Variants in SNTG1 observed in about 807,000 individuals in gnomAD.
SNTG1 encodes the protein syntrophin gamma 1.
Under a neutral mutation model 74.7 loss-of-function variants are expected in SNTG1, and 39 were observed. The ratio of observed to expected loss-of-function variants is 0.52; its 90% CI spans 0.40 to 0.68. SNTG1 has a LOEUF of 0.68. SNTG1 is among the 30% of genes least tolerant of loss of function. The pLI is 0.00. For synonymous variants in SNTG1, 254 were observed against 217.1 expected (o/e 1.17, Z -1.49); for missense variants, 685 against 609.5 (o/e 1.12, Z -1.30).
intron 2 of SNTG1, among the ~76,000 whole-genome samples, chr8:50,364,077 A>G (rs1313924259): frequency 6.6e-6 from 1 of 152,132 alleles, no homozygotes; most frequent in Admixed American, 6.5e-5. Flanking sequence ...AGGGATTTTT[A>G]GGGAAGTTCC....
At position 50,399,649 on chromosome 8, in the gene SNTG1, C is replaced by A. The variant is rs117781631; in HGVS notation, c.28-2561C>A. 9.2e-3 allele frequency among the ~76,000 whole-genome samples: 1,394 copies of A among 152,106 alleles called. 15 individuals are homozygous for A. Among genetic ancestry groups the A allele is most frequent in the Non-Finnish European group, 0.015 (1,021 of 68,002 alleles). ...CAGGAAATGTGCTCATTTATGATCA[C>A]TTGGCTTTGATGTATCATTTCATAT... On this transcript the variant is annotated intron_variant, in intron 3 of 18. Transcript: ENST00000642720.
intron 13 of SNTG1, among the ~76,000 whole-genome samples, chr8:50,651,764 T>TTTATTTATTTTCATTAAA (rs2095148240): frequency 6.6e-6 from 1 of 150,406 alleles, no homozygotes; most frequent in Admixed American, 6.6e-5. Flanking sequence ...GGCTTATTTA[T>TTTATTTATTTTCATTAAA]TTATTTATTT....
At chr8:49,965,626 G>T (rs1811068660) in intron 1 of SNTG1, among the ~76,000 whole-genome samples, 1 of 152,176 alleles carries the variant, frequency 6.6e-6, no homozygotes, top group East Asian at 1.9e-4. Context: ...TAATGTGGTT[G>T]TTGTCATGCG....
intron 1 of SNTG1, among the ~76,000 whole-genome samples, chr8:49,951,764 A>T (rs992777758): frequency 3.8e-4 from 58 of 151,770 alleles, no homozygotes; most frequent in African/African-American, 1.3e-3. Context: ...ATAATAATAA[A>T]AAAAAAGCTT....
At chr8:50,536,977 G>A (rs2094312883) in intron 11 of SNTG1, among the ~76,000 whole-genome samples, 169 bp downstream of exon 11, 1 of 152,202 alleles carries the variant, frequency 6.6e-6, no homozygotes, top group Non-Finnish European at 1.5e-5. Flanking sequence ...TTATTCTGAT[G>A]ACAAAACCAC....
chr8:50,728,884 T>C (rs909543354), intron 17 of SNTG1, among the ~76,000 whole-genome samples: 1 of 152,318 alleles, frequency 6.6e-6, no homozygotes, highest in East Asian at 1.9e-4. Flanking sequence ...TCATTCCACT[T>C]GTATTTGCAG....
chr8:49,979,246 G>A (rs1233986127), intron 1 of SNTG1, among the ~76,000 whole-genome samples: 2 of 152,166 alleles, frequency 1.3e-5, no homozygotes, highest in African/African-American at 2.4e-5. Flanking sequence ...GTGCGCCTGG[G>A]ACTGAGTGTC....
chr8:50,006,676 A>G (rs1815270777), intron 1 of SNTG1, among the ~76,000 whole-genome samples: 1 of 152,086 alleles, frequency 6.6e-6, no homozygotes, highest in African/African-American at 2.4e-5. Context: ...TGAATGGTTT[A>G]TCTTGTGCCA....
At chr8:50,505,008 C>A (rs2093994671) in intron 9 of SNTG1, among the ~76,000 whole-genome samples, 1 of 152,102 alleles carries the variant, frequency 6.6e-6, no homozygotes, top group Admixed American at 6.6e-5. Context: ...CCCAGACCCA[C>A]CCACTGGCAA....
chr8:50,403,046 G>C (rs1280662253), intron 4 of SNTG1, among the ~76,000 whole-genome samples: 2 of 152,148 alleles, frequency 1.3e-5, no homozygotes, highest in Admixed American at 1.3e-4. Flanking sequence ...ATCATAAGAC[G>C]AGTTCTGGAG....
At chr8:50,625,197 G>A (rs371485803) in intron 13 of SNTG1, among the ~76,000 whole-genome samples, 33 of 152,178 alleles carry the variant, frequency 2.2e-4, no homozygotes, top group African/African-American at 7.7e-4. Context: ...GCACATGAAG[G>A]TGAAGAAACT....
chr8:49,945,197 G>C (rs906976013), intron 1 of SNTG1, among the ~76,000 whole-genome samples: 4 of 152,002 alleles, frequency 2.6e-5, no homozygotes, highest in African/African-American at 9.7e-5. Context: ...TTAGTCTTTG[G>C]ATTTACATTG....
intron 1 of SNTG1, among the ~76,000 whole-genome samples, chr8:50,148,486 C>T (rs528403640): frequency 6.6e-6 from 1 of 152,112 alleles, no homozygotes; most frequent in South Asian, 2.1e-4. Flanking sequence ...TATACATATG[C>T]CATGTTGGTG....
intron 4 of SNTG1, among the ~76,000 whole-genome samples, chr8:50,406,928 A>G (rs1275720888): frequency 6.6e-6 from 1 of 152,142 alleles, no homozygotes; most frequent in Admixed American, 6.5e-5. Flanking sequence ...AAGCCAATCT[A>G]CAACAGAGAA....
chr8:50,314,128 C>G (rs562215587), intron 2 of SNTG1, among the ~76,000 whole-genome samples: 1 of 149,558 alleles, frequency 6.7e-6, no homozygotes, highest in Non-Finnish European at 1.5e-5. Flanking sequence ...CCCTCTAGGC[C>G]CCTTCAGTGG....
chr8:50,337,547 G>C (rs548013142), intron 2 of SNTG1, among the ~76,000 whole-genome samples: 13 of 152,220 alleles, frequency 8.5e-5, no homozygotes, highest in African/African-American at 3.1e-4. Flanking sequence ...TTTAACAAAG[G>C]TCTCCCCTCA....
intron 2 of SNTG1, among the ~76,000 whole-genome samples, chr8:50,346,280 C>T (rs1172434870): frequency 2.0e-5 from 3 of 152,118 alleles, no homozygotes; most frequent in Admixed American, 6.5e-5. Flanking sequence ...CAAACTATTT[C>T]GTTATTATTA....
chr8:50,361,675 A>G (rs2091962231), intron 2 of SNTG1, among the ~76,000 whole-genome samples: 1 of 151,958 alleles, frequency 6.6e-6, no homozygotes, highest in Admixed American at 6.6e-5. Context: ...TTTTTGGGGG[A>G]GGTCACTGGG....
At chr8:50,711,283 AAAAT>A (rs1417005766) in intron 17 of SNTG1, among the ~76,000 whole-genome samples, 1 of 152,190 alleles carries the variant, frequency 6.6e-6, no homozygotes, top group African/African-American at 2.4e-5. Flanking sequence ...ATGAATGTGA[AAAAT>A]ATCTTTAAGA....
Sources: allele counts gnomAD v4.1 joint callset (sites outside exome capture counted in the v4.1 genomes callset), GRCh38; gene constraint gnomAD v4.1.1; transcripts MANE v1.5; gene names NCBI Gene and HGNC (gene_info 2026-07-23, HGNC 2026-07-21).